SCHIP1: variants seen among roughly 807,000 people sequenced by gnomAD.
SCHIP1 encodes schwannomin-interacting protein 1.
SCHIP1 carries 8 observed loss-of-function variants against 29.7 expected under a neutral mutation model. The observed-to-expected ratio is 0.27, with a 90% CI of 0.16 to 0.49. SCHIP1 has a LOEUF of 0.49. Among genes scored for constraint, SCHIP1 ranks in the 20% least tolerant of loss-of-function variants. SCHIP1 has a pLI of 0.99. For missense variants in SCHIP1, 193 were observed against 294.6 expected, an observed-to-expected ratio of 0.66 and a Z score of 2.52; for synonymous variants, 76 against 94.9, an observed-to-expected ratio of 0.80 and a Z score of 1.16.
At chr3:159,574,184 A>T in the SCHIP1 span, among the ~76,000 whole-genome samples, 3 of 152,168 alleles carry the variant, frequency 2.0e-5, no homozygotes, top group African/African-American at 7.2e-5. Flanking sequence ...TTTGGAGGAG[A>T]AGAGGCACTC....
the SCHIP1 span, among the ~76,000 whole-genome samples, chr3:159,512,894 T>C: frequency 6.6e-6 from 1 of 152,350 alleles, no homozygotes; most frequent in East Asian, 1.9e-4. Context: ...CTACTCTCTA[T>C]GAGTTCAATT....
At chr3:159,411,911 G>C in the SCHIP1 span, among the ~76,000 whole-genome samples, 1 of 152,112 alleles carries the variant, frequency 6.6e-6, no homozygotes, top group African/African-American at 2.4e-5. Context: ...AGGTCACCAA[G>C]AAAAGCCTAG....
At chr3:159,694,550 AAG>A in the SCHIP1 span, among the ~76,000 whole-genome samples, 2 of 43,522 alleles carry the variant, frequency 4.6e-5, no homozygotes, top group African/African-American at 1.5e-4. Flanking sequence ...GAAAGAAAGA[AAG>A]AAAGAAAGAA....
the SCHIP1 span, among the ~76,000 whole-genome samples, chr3:159,615,814 ATTGAT>A: frequency 6.6e-6 from 1 of 152,248 alleles, no homozygotes; most frequent in Non-Finnish European, 1.5e-5. Context: ...GATTACAAAA[ATTGAT>A]TTGAAAGAAC....
chr3:159,887,704 G>A lies in SCHIP1; in HGVS notation c.268-4G>A. 6.2e-7 allele frequency: 1 copy of A among 1,613,868 alleles called. No individual in the cohort carries two copies. The highest frequency in any genetic ancestry group is 8.5e-7 in the Non-Finnish European group (1 of 1,179,808). On this transcript the variant is annotated splice_polypyrimidine_tract_variant and splice_region_variant and intron_variant, in intron 3 of 6. Transcript: ENST00000445224. ...GGCTCAGGCTGCTCTTTTTCCCTTT[G>A]CAGAGCAAACAGAGTTCTTCCTATT... is the stretch of plus-strand genomic sequence containing the variant.
At chr3:159,806,466 G>A in the SCHIP1 span, among the ~76,000 whole-genome samples, 1 of 152,304 alleles carries the variant, frequency 6.6e-6, no homozygotes, top group African/African-American at 2.4e-5. Flanking sequence ...GAAAGAATAG[G>A]TTTTTGTTTT....
chr3:159,366,353 A>G, the SCHIP1 span, among the ~76,000 whole-genome samples: 1 of 152,160 alleles, frequency 6.6e-6, no homozygotes, highest in African/African-American at 2.4e-5. Flanking sequence ...TGGGGATTAC[A>G]TTTCAACATG....
At chr3:159,598,416 T>C in the SCHIP1 span, among the ~76,000 whole-genome samples, 1 of 152,208 alleles carries the variant, frequency 6.6e-6, no homozygotes, top group African/African-American at 2.4e-5. Flanking sequence ...TAAATGCTCC[T>C]GTTCCAAATG....
chr3:159,430,124 G>T, the SCHIP1 span, among the ~76,000 whole-genome samples: 5 of 152,234 alleles, frequency 3.3e-5, no homozygotes, highest in East Asian at 9.6e-4. Context: ...TAAATATAGA[G>T]AAAAAGTGAT....
At chr3:159,652,799 T>C in the SCHIP1 span, among the ~76,000 whole-genome samples, 337 of 152,198 alleles carry the variant, frequency 2.2e-3, 2 homozygotes, top group Non-Finnish European at 3.6e-3. Context: ...AAATTGACCA[T>C]TTAGGACTAG....
At chr3:159,756,492 C>T in the SCHIP1 span, among the ~76,000 whole-genome samples, 1 of 152,166 alleles carries the variant, frequency 6.6e-6, no homozygotes, top group Non-Finnish European at 1.5e-5. Flanking sequence ...ACCACTTTTA[C>T]CCCCTAGGCT....
At chr3:159,470,286 G>A in the SCHIP1 span, among the ~76,000 whole-genome samples, 1 of 151,926 alleles carries the variant, frequency 6.6e-6, no homozygotes, top group Non-Finnish European at 1.5e-5. Flanking sequence ...TTAAATCAAA[G>A]ACATGAAACA....
At chr3:159,518,498 A>G in the SCHIP1 span, among the ~76,000 whole-genome samples, 2 of 152,128 alleles carry the variant, frequency 1.3e-5, no homozygotes, top group African/African-American at 4.8e-5. Context: ...CAACAATGGA[A>G]AACTCGTAGA....
At chr3:159,732,933 TG>T in the SCHIP1 span, among the ~76,000 whole-genome samples, 2 of 152,198 alleles carry the variant, frequency 1.3e-5, no homozygotes, top group African/African-American at 4.8e-5. Flanking sequence ...TTTTGCAGCC[TG>T]GCTTGTTAGC....
At chr3:159,276,220 T>TC in the SCHIP1 span, among the ~76,000 whole-genome samples, 1 of 152,140 alleles carries the variant, frequency 6.6e-6, no homozygotes, top group Admixed American at 6.5e-5. Flanking sequence ...TAGAAGCAAC[T>TC]CCCCTAGCTA....
the SCHIP1 span, among the ~76,000 whole-genome samples, chr3:159,519,605 T>A: frequency 1.2e-4 from 18 of 152,178 alleles, no homozygotes; most frequent in South Asian, 6.2e-4. Flanking sequence ...TAAAAACTTT[T>A]AAAAAAAATT....
At chr3:159,578,664 C>A in the SCHIP1 span, among the ~76,000 whole-genome samples, 1 of 152,088 alleles carries the variant, frequency 6.6e-6, no homozygotes, top group African/African-American at 2.4e-5. Flanking sequence ...TTAGAAACTA[C>A]CTTTATTCTT....
the SCHIP1 span, chr3:159,387,365 C>G: frequency 2.6e-6 from 1 of 388,892 alleles, no homozygotes; most frequent in Non-Finnish European, 5.1e-6. Context: ...AGATCTCTTC[C>G]AGGGACTTGA....
the SCHIP1 span, among the ~76,000 whole-genome samples, chr3:159,746,718 C>A: frequency 1.3e-5 from 2 of 152,282 alleles, no homozygotes; most frequent in Admixed American, 6.5e-5. Flanking sequence ...CTATATCCTG[C>A]AATATTCACT....
Sources: allele counts gnomAD v4.1 joint callset (sites outside exome capture counted in the v4.1 genomes callset), GRCh38; gene constraint gnomAD v4.1.1; transcripts MANE v1.5; gene names NCBI Gene and HGNC (gene_info 2026-07-23, HGNC 2026-07-21).